Variants in CTNNA3 observed in about 807,000 individuals in gnomAD.
CTNNA3 encodes catenin alpha 3.
A neutral mutation model predicts 95.7 loss-of-function variants in CTNNA3; 76 were observed. That is an observed-to-expected ratio of 0.79 (90% confidence interval 0.66 to 0.96). CTNNA3 has a LOEUF of 0.96. Ranked by LOEUF, CTNNA3 falls within the 40% of genes least tolerant of loss-of-function variation. The pLI is 0.00. For synonymous variants in CTNNA3, 431 were observed against 374.4 expected, an observed-to-expected ratio of 1.15 and a Z score of -1.74; for missense variants, 1,191 against 1,089.8, an observed-to-expected ratio of 1.09 and a Z score of -1.31.
chr10:67,650,950 C>A (rs1180491126), intron 1 of CTNNA3, among the ~76,000 whole-genome samples: 4 of 152,058 alleles, frequency 2.6e-5, no homozygotes, highest in Non-Finnish European at 5.9e-5. Flanking sequence ...TAACACATAA[C>A]CACCACCCCC....
At chr10:66,852,542 C>A (rs1474874755) in intron 7 of CTNNA3, among the ~76,000 whole-genome samples, 1 of 152,122 alleles carries the variant, frequency 6.6e-6, no homozygotes, top group African/African-American at 2.4e-5. Flanking sequence ...TATTGTTATT[C>A]ATGAACTGAT....
intron 13 of CTNNA3, among the ~76,000 whole-genome samples, chr10:66,108,007 G>C (rs2081972805): frequency 6.6e-6 from 1 of 151,878 alleles, no homozygotes; most frequent in Non-Finnish European, 1.5e-5. Flanking sequence ...AATGTCAGGA[G>C]TGGTCTCGCA....
At chr10:67,289,307 G>T (rs1589130065) in intron 5 of CTNNA3, among the ~76,000 whole-genome samples, 1 of 152,112 alleles carries the variant, frequency 6.6e-6, no homozygotes, top group South Asian at 2.1e-4. Flanking sequence ...GAAAGCACCA[G>T]TTGCAAATAG....
At chr10:67,677,212 T>A (rs1478000150) in intron 1 of CTNNA3, among the ~76,000 whole-genome samples, 1 of 152,170 alleles carries the variant, frequency 6.6e-6, no homozygotes, top group Non-Finnish European at 1.5e-5. Flanking sequence ...AGGATCTCAT[T>A]AATGATTTCC....
At chr10:66,826,321 G>C (rs1842513968) in intron 7 of CTNNA3, among the ~76,000 whole-genome samples, 1 of 152,108 alleles carries the variant, frequency 6.6e-6, no homozygotes, top group Admixed American at 6.6e-5. Context: ...CTGTCGCCCA[G>C]GCTAGAGTGC....
intron 11 of CTNNA3, among the ~76,000 whole-genome samples, chr10:66,384,206 C>T (rs1176583448): frequency 1.3e-5 from 2 of 152,084 alleles, no homozygotes; most frequent in African/African-American, 4.8e-5. Flanking sequence ...AGACCCACCT[C>T]ATGTGCAAAG....
intron 5 of CTNNA3, among the ~76,000 whole-genome samples, chr10:67,223,988 G>T (rs906807042): frequency 6.9e-6 from 1 of 145,780 alleles, no homozygotes; most frequent in Non-Finnish European, 1.5e-5. Context: ...TAGATTCAAG[G>T]TGTACTATAT....
chr10:66,042,920 A>AAT (rs2079731160), intron 15 of CTNNA3, among the ~76,000 whole-genome samples: 1 of 143,410 alleles, frequency 7.0e-6, no homozygotes, highest in African/African-American at 2.6e-5. Flanking sequence ...AAAAAAAAAA[A>AAT]AAAAAAAAAG....
intron 15 of CTNNA3, among the ~76,000 whole-genome samples, chr10:66,049,193 A>G (rs561409170): frequency 3.3e-5 from 5 of 152,320 alleles, no homozygotes; most frequent in Admixed American, 3.3e-4. Flanking sequence ...AACAAGTACA[A>G]CATCACTGAT....
At position 66,490,537 on chromosome 10, in the gene CTNNA3, C is replaced by T. The variant is rs139481853; in HGVS notation, c.1531+30080G>A. 4.9e-3 allele frequency among the ~76,000 whole-genome samples: 747 copies of T among 152,110 alleles called. 7 individuals carry two copies. The highest frequency in any genetic ancestry group is 0.017 in the African/African-American group (695 of 41,478). On this transcript the variant is annotated intron_variant, in intron 11 of 17. Transcript: ENST00000433211. The stretch of plus-strand genomic sequence containing the variant: ...ATCTTATACAGGTTAAATCTGTAAC[C>T]CTATTATCAGAGAATTTATATAAGT...
At chr10:67,397,358 C>T (rs936371965) in intron 5 of CTNNA3, among the ~76,000 whole-genome samples, 1 of 152,166 alleles carries the variant, frequency 6.6e-6, no homozygotes, top group Non-Finnish European at 1.5e-5. Flanking sequence ...TTTTTGGGAA[C>T]TGGAGCAAAG....
At chr10:67,117,739 G>T (rs1441829771) in intron 7 of CTNNA3, among the ~76,000 whole-genome samples, 2 of 151,942 alleles carry the variant, frequency 1.3e-5, no homozygotes, top group Non-Finnish European at 2.9e-5. Context: ...AAATGTCTTG[G>T]TTTGAAAAAA....
chr10:66,489,281 A>AAAC (rs768595167), intron 11 of CTNNA3, among the ~76,000 whole-genome samples: 4 of 152,178 alleles, frequency 2.6e-5, no homozygotes, highest in Non-Finnish European at 5.9e-5. Context: ...TCTTGTCCAT[A>AAAC]AACAGTTCAT....
chr10:66,422,538 A>AT (rs147537322), intron 11 of CTNNA3, among the ~76,000 whole-genome samples: 17,015 of 150,236 alleles, frequency 0.11, 1,379 homozygotes, highest in African/African-American at 0.23. Flanking sequence ...ACAAGAAGCT[A>AT]TTTTTTTTTC....
chr10:66,651,556 G>A (rs1216696704), intron 9 of CTNNA3, among the ~76,000 whole-genome samples: 2 of 152,128 alleles, frequency 1.3e-5, no homozygotes, highest in Non-Finnish European at 2.9e-5. Flanking sequence ...TGGGGAGGGG[G>A]GTTGGGGGGC....
chr10:67,617,052 C>T (rs1424074428), intron 2 of CTNNA3, among the ~76,000 whole-genome samples: 1 of 152,084 alleles, frequency 6.6e-6, no homozygotes, highest in Non-Finnish European at 1.5e-5. Flanking sequence ...TTTGTCATTT[C>T]GAACATTACT....
chr10:66,241,604 G>A (rs2132039798), intron 13 of CTNNA3, among the ~76,000 whole-genome samples: 1 of 151,996 alleles, frequency 6.6e-6, no homozygotes, highest in East Asian at 1.9e-4. Flanking sequence ...TGTGACTGTG[G>A]CCAGAAAAGA....
intron 11 of CTNNA3, among the ~76,000 whole-genome samples, chr10:66,491,240 CG>C (rs1166621228): frequency 6.6e-6 from 1 of 152,128 alleles, no homozygotes; most frequent in East Asian, 1.9e-4. Context: ...CTTTTAGTCT[CG>C]GCCTATAATA....
intron 12 of CTNNA3, among the ~76,000 whole-genome samples, chr10:66,340,815 A>T (rs2092446937): frequency 6.6e-6 from 1 of 151,818 alleles, no homozygotes; most frequent in Non-Finnish European, 1.5e-5. Flanking sequence ...GGCGAAAAAA[A>T]GGTGAAGTAA....
Sources: gnomAD v4.1 joint callset for allele counts (sites outside exome capture counted in the v4.1 genomes callset) on GRCh38, gnomAD v4.1.1 for gene constraint, MANE v1.5 for transcripts, NCBI Gene and HGNC (gene_info 2026-07-23, HGNC 2026-07-21) for gene names.